The following SEZ6L variants were observed in gnomAD, a reference collection of about 807,000 sequenced individuals.
SEZ6L encodes seizure related 6 homolog like.
In SEZ6L, 37 loss-of-function variants were observed where a neutral mutation model predicts 106.2. The observed-to-expected ratio is 0.35, with a 90% CI of 0.27 to 0.46. SEZ6L has a LOEUF of 0.46. SEZ6L is among the 20% of genes least tolerant of loss of function. The probability of loss-of-function intolerance (pLI) is 1.00; values close to 1 mark genes in which losing one functional copy is unlikely to be tolerated. For synonymous variants in SEZ6L, 541 were observed against 570.4 expected (o/e 0.95, Z 0.73); for missense variants, 1,172 against 1,332.8 (o/e 0.88, Z 1.88).
intron 1 of SEZ6L, among the ~76,000 whole-genome samples, chr22:26,203,036 C>A (rs1339601382): frequency 6.6e-6 from 1 of 152,220 alleles, no homozygotes; most frequent in Non-Finnish European, 1.5e-5. Flanking sequence ...ACTGGTGGAG[C>A]AATTCCTAGA....
At chr22:26,175,325 C>T (rs879769459) in intron 1 of SEZ6L, among the ~76,000 whole-genome samples, 2 of 152,156 alleles carry the variant, frequency 1.3e-5, no homozygotes, top group Non-Finnish European at 2.9e-5. Flanking sequence ...ATCTCAGGCA[C>T]TTACGTTGGT....
intron 1 of SEZ6L, among the ~76,000 whole-genome samples, chr22:26,235,495 G>A (rs1420497743): frequency 1.3e-5 from 2 of 152,114 alleles, no homozygotes; most frequent in Non-Finnish European, 2.9e-5. Context: ...CTGGCTGGAG[G>A]GGCAAAGAGA....
intron 1 of SEZ6L, among the ~76,000 whole-genome samples, chr22:26,291,526 G>C (rs1157383951): frequency 6.6e-6 from 1 of 152,108 alleles, no homozygotes; most frequent in Admixed American, 6.5e-5. Context: ...GATAGGTGCA[G>C]CAAACCACCA....
At chr22:26,208,846 C>CTG (rs1172376251) in intron 1 of SEZ6L, among the ~76,000 whole-genome samples, 2 of 118,108 alleles carry the variant, frequency 1.7e-5, no homozygotes, top group East Asian at 2.3e-4. Flanking sequence ...TCTTGACTCT[C>CTG]TCTCTGTGTG....
At chr22:26,364,118 A>G (rs2083727218) in intron 12 of SEZ6L, among the ~76,000 whole-genome samples, 2 of 152,184 alleles carry the variant, frequency 1.3e-5, no homozygotes, top group South Asian at 4.1e-4. Context: ...TACACTTAAA[A>G]TGGTTAAGAT....
chr22:26,294,721 A>AACACACACACAC (rs56000206), intron 3 of SEZ6L, among the ~76,000 whole-genome samples: 21 of 148,166 alleles, frequency 1.4e-4, no homozygotes, highest in African/African-American at 2.2e-4. Context: ...CACGTGCATA[A>AACACACACACAC]ACACACACAC....
In SEZ6L at chr22:26,347,821, A is replaced by G; in HGVS notation, c.2315A>G (p.Gln772Arg). 1 of 1,607,684 alleles carries G rather than the reference A, an allele frequency of 6.2e-7. No homozygotes were observed. The change falls in exon 11 of 17, where the codon CAG (glutamine) becomes CGG (arginine). Residue 772 changes from glutamine (Q) to arginine (R), a missense_variant. Gln to Arg is a conservative substitution (Grantham distance 43). Transcript: ENST00000248933. ...GTGCGGGGAGCCAGAATCACCTACC[A>G]GTGTGACCCCGGCTATGACATCGTG... is the stretch of plus-strand genomic sequence containing the variant. ...ELVRGARITY[Q>R]CDPGYDIVGS...
At chr22:26,276,798 A>G (rs1247617217) in intron 1 of SEZ6L, among the ~76,000 whole-genome samples, 1 of 152,208 alleles carries the variant, frequency 6.6e-6, no homozygotes, top group Non-Finnish European at 1.5e-5. Flanking sequence ...GGAGGTGGTT[A>G]TGAAGGAGGG....
chr22:26,314,284 G>A (rs570736272), intron 9 of SEZ6L, among the ~76,000 whole-genome samples: 21 of 152,332 alleles, frequency 1.4e-4, no homozygotes, highest in Non-Finnish European at 2.9e-4. Flanking sequence ...GGTCAGAGAA[G>A]TCTTCCCCGA....
intron 1 of SEZ6L, among the ~76,000 whole-genome samples, chr22:26,258,841 C>T (rs1229915972): frequency 6.6e-6 from 1 of 152,110 alleles, no homozygotes; most frequent in African/African-American, 2.4e-5. Flanking sequence ...AAAAGTCAGA[C>T]CTTGTTCTGA....
At chr22:26,180,684 A>G (rs925088095) in intron 1 of SEZ6L, among the ~76,000 whole-genome samples, 2 of 152,246 alleles carry the variant, frequency 1.3e-5, no homozygotes, top group African/African-American at 2.4e-5. Context: ...TGATCCAGGC[A>G]TTGAAAATCA....
intron 1 of SEZ6L, among the ~76,000 whole-genome samples, chr22:26,256,091 C>T (rs748581689): frequency 5.9e-5 from 9 of 152,172 alleles, no homozygotes; most frequent in Non-Finnish European, 1.2e-4. Context: ...CTCCTGCCCT[C>T]TCTTCTCACA....
intron 9 of SEZ6L, among the ~76,000 whole-genome samples, chr22:26,338,222 A>G (rs958374800): frequency 6.6e-6 from 1 of 152,214 alleles, no homozygotes; most frequent in Admixed American, 6.5e-5. Context: ...GATGATGTCC[A>G]AAAGTTGAAG....
chr22:26,181,528 G>T (rs557195546), intron 1 of SEZ6L, among the ~76,000 whole-genome samples: 9 of 152,312 alleles, frequency 5.9e-5, no homozygotes, highest in Non-Finnish European at 1.3e-4. Context: ...TTCAGTTGGG[G>T]TTAAAAACAA....
rs1569395508 is a variant in SEZ6L at position 26,223,329 on chromosome 22, T to G, written c.94+53566T>G. 2.0e-5 allele frequency among the ~76,000 whole-genome samples: 3 copies of G among 152,234 alleles called. No individual in the cohort carries two copies. In the South Asian group the frequency reaches 6.2e-4, roughly 32 times the overall value. ...GTAGGTCTCATTCCAGAATTAATGA[T>G]ATTTCAAGTGTTGTTCTTGCCTCAT... On this transcript the variant is annotated intron_variant, in intron 1 of 16. Transcript: ENST00000248933.
chr22:26,350,393 A>G lies in SEZ6L; in HGVS notation c.2408-659A>G, dbSNP rs577920757. ...CAGGTGTACCCCACCATGCCCCATT[A>G]ATTTTTGTATTTTTTGTAGGGACCG... On this transcript the variant is annotated intron_variant, in intron 11 of 16. Coordinates refer to ENST00000248933, the MANE Select transcript of SEZ6L (RefSeq NM_021115.5). 3.3e-5 allele frequency among the ~76,000 whole-genome samples: 5 copies of G among 150,902 alleles called. No homozygotes were observed. The South Asian group carries it at 1.1e-3, about 32-fold the overall frequency.
chr22:26,315,812 C>T (rs2081981027), intron 9 of SEZ6L, among the ~76,000 whole-genome samples: 1 of 151,898 alleles, frequency 6.6e-6, no homozygotes, highest in South Asian at 2.1e-4. Flanking sequence ...AATCTCAACA[C>T]TTTGGGAGGC....
chr22:26,367,572 G>A (rs922788291), intron 13 of SEZ6L, among the ~76,000 whole-genome samples: 4 of 151,996 alleles, frequency 2.6e-5, no homozygotes, highest in Non-Finnish European at 4.4e-5. Flanking sequence ...CTCTACTCCT[G>A]GCCTCAAACG....
At chr22:26,291,085 C>A (rs967641219) in intron 1 of SEZ6L, among the ~76,000 whole-genome samples, 2 of 152,158 alleles carry the variant, frequency 1.3e-5, no homozygotes, top group African/African-American at 4.8e-5. Flanking sequence ...TACTGGGTCC[C>A]ATTACATATA....
Sources: allele counts gnomAD v4.1 joint callset (sites outside exome capture counted in the v4.1 genomes callset), GRCh38; gene constraint gnomAD v4.1.1; transcripts MANE v1.5; gene names NCBI Gene and HGNC (gene_info 2026-07-23, HGNC 2026-07-21).